The following EXOC6B variants were observed in gnomAD, a reference collection of about 807,000 sequenced individuals.
EXOC6B encodes the protein SEC15 homolog B.
Under a neutral mutation model 113.5 loss-of-function variants are expected in EXOC6B, and 54 were observed. The observed-to-expected ratio is 0.48, with a 90% CI of 0.38 to 0.60. EXOC6B has a LOEUF of 0.60. Ranked by LOEUF, EXOC6B falls within the 20% of genes least tolerant of loss-of-function variation. The probability of loss-of-function intolerance (pLI) is 0.00; values close to 1 mark genes in which losing one functional copy is unlikely to be tolerated. For missense variants in EXOC6B, 797 were observed against 977.5 expected, an observed-to-expected ratio of 0.82 and a Z score of 2.46; for synonymous variants, 357 against 339.0, an observed-to-expected ratio of 1.05 and a Z score of -0.58.
rs1435176277 is a variant in EXOC6B, at chr2:72,550,973, C to T, written c.915+8480G>A. Among the ~76,000 whole-genome samples, 8 of 147,362 alleles carry T rather than the reference C, an allele frequency of 5.4e-5. No homozygotes were observed. In the East Asian group the frequency reaches 1.6e-3, roughly 30 times the overall value. On this transcript the variant is annotated intron_variant, in intron 8 of 21. Transcript: ENST00000272427. The stretch of plus-strand genomic sequence containing the variant: ...TCACCCTGTTGCCCAGGCTGAAGTG[C>T]AATGGCGCGATCTTGGATAACTGCC...
intron 20 of EXOC6B, among the ~76,000 whole-genome samples, chr2:72,208,322 T>C (rs1176707940): frequency 1.3e-5 from 2 of 152,070 alleles, no homozygotes; most frequent in Non-Finnish European, 2.9e-5. Flanking sequence ...CCACTTATAA[T>C]TGAGAACATG....
At chr2:72,693,085 C>T (rs1677615418) in intron 6 of EXOC6B, among the ~76,000 whole-genome samples, 1 of 152,134 alleles carries the variant, frequency 6.6e-6, no homozygotes, top group Admixed American at 6.5e-5. Flanking sequence ...TCAAGAAAAG[C>T]TCAAAAATGG....
intron 20 of EXOC6B, among the ~76,000 whole-genome samples, chr2:72,186,802 T>A (rs1046375632): frequency 1.2e-4 from 18 of 152,192 alleles, no homozygotes; most frequent in Admixed American, 4.6e-4. Context: ...TAATGACACA[T>A]GGGAAGTCAC....
Position 72,323,746 on chromosome 2 carries a change from A to G in EXOC6B, c.2196+11201T>C, listed in dbSNP as rs528611512. On this transcript the variant is annotated intron_variant, in intron 20 of 21. Coordinates refer to ENST00000272427, the MANE Select transcript of EXOC6B (RefSeq NM_015189.3). ...AAACCAACACAAGAACAGAGAACCA[A>G]ACACCGTATGTTCCCACTCATAAGT... 2.2e-4 allele frequency among the ~76,000 whole-genome samples: 33 copies of G among 152,030 alleles called. 1 individual carries two copies. Among genetic ancestry groups the G allele is most frequent in the Admixed American group, 1.2e-3 (18 of 15,264 alleles).
chr2:72,352,666 T>C (rs1019278444), intron 19 of EXOC6B, among the ~76,000 whole-genome samples: 2 of 150,464 alleles, frequency 1.3e-5, no homozygotes, highest in Non-Finnish European at 3.0e-5. Flanking sequence ...TGAGTAATGA[T>C]GGAAAGGCAT....
Position 72,515,052 on chromosome 2 carries a change from T to A in EXOC6B, c.990A>T (p.Pro330=). ...RKQARLVLQP[P]SNMHETLDGY... ...AAGATGGTAATCCTACCATGTTAGA[T>A]GGAGGTTGAAGTACCAAACGAGCCT... Residue 330 remains proline, a synonymous_variant, in exon 9 of 22, where the codon CCA becomes CCT. Transcript: ENST00000272427. 6.2e-7 allele frequency: 1 copy of A among 1,604,650 alleles called. No individual in the cohort carries two copies. The highest frequency in any genetic ancestry group is 2.2e-5 in the East Asian group (1 of 44,674).
chr2:72,277,538 G>A (rs563986462), intron 20 of EXOC6B, among the ~76,000 whole-genome samples: 2 of 151,798 alleles, frequency 1.3e-5, no homozygotes, highest in Non-Finnish European at 2.9e-5. Context: ...ATGCTGGAGT[G>A]CAGAGTACAG....
intron 8 of EXOC6B, among the ~76,000 whole-genome samples, chr2:72,532,919 CTA>C (rs926256828): frequency 6.6e-6 from 1 of 152,108 alleles, no homozygotes; most frequent in Non-Finnish European, 1.5e-5. Context: ...TCTGGGATAA[CTA>C]TGTGGGATGA....
intron 17 of EXOC6B, among the ~76,000 whole-genome samples, chr2:72,475,210 A>G (rs890127363): frequency 3.3e-5 from 5 of 152,178 alleles, no homozygotes; most frequent in East Asian, 1.9e-4. Context: ...AGATGGGCCA[A>G]TTGTTGAGTT....
At chr2:72,624,893 T>A (rs1671957701) in intron 6 of EXOC6B, among the ~76,000 whole-genome samples, 1 of 152,190 alleles carries the variant, frequency 6.6e-6, no homozygotes, top group Non-Finnish European at 1.5e-5. Context: ...GTAGGTTAGG[T>A]GTTACAAGGT....
intron 6 of EXOC6B, among the ~76,000 whole-genome samples, chr2:72,590,065 C>T (rs1038158419): frequency 1.3e-5 from 2 of 151,962 alleles, no homozygotes; most frequent in Non-Finnish European, 2.9e-5. Context: ...ATAACGTCTC[C>T]TATCCTGTAA....
chr2:72,192,263 T>C (rs1170124764), intron 20 of EXOC6B, among the ~76,000 whole-genome samples: 1 of 152,174 alleles, frequency 6.6e-6, no homozygotes, highest in Non-Finnish European at 1.5e-5. Context: ...TGGAATTAAA[T>C]AGGTCAGCTA....
At chr2:72,772,269 G>A (rs1268935965) in intron 1 of EXOC6B, among the ~76,000 whole-genome samples, 1 of 151,828 alleles carries the variant, frequency 6.6e-6, no homozygotes, top group Non-Finnish European at 1.5e-5. Context: ...TAAGCTCCAG[G>A]CCAAATCCAA....
chr2:72,251,071 G>GC (rs556925319), intron 20 of EXOC6B, among the ~76,000 whole-genome samples: 140 of 152,162 alleles, frequency 9.2e-4, no homozygotes, highest in Admixed American at 1.8e-3. Flanking sequence ...CACGTAATCT[G>GC]CCCCCCTTGG....
chr2:72,742,402 C>G (rs1474062520), intron 1 of EXOC6B, among the ~76,000 whole-genome samples: 1 of 152,100 alleles, frequency 6.6e-6, no homozygotes, highest in Non-Finnish European at 1.5e-5. Context: ...TGGCCTTGGA[C>G]AGTCCTCACA....
chr2:72,279,932 T>C (rs1411871198), intron 20 of EXOC6B, among the ~76,000 whole-genome samples: 2 of 152,052 alleles, frequency 1.3e-5, no homozygotes, highest in Non-Finnish European at 2.9e-5. Context: ...TAAATTTAGA[T>C]AACTTTTTTA....
intron 6 of EXOC6B, among the ~76,000 whole-genome samples, chr2:72,641,813 G>A (rs887346449): frequency 3.9e-5 from 6 of 151,910 alleles, no homozygotes; most frequent in Non-Finnish European, 5.9e-5. Context: ...TCCCAGTAGC[G>A]GCCGACTGAC....
chr2:72,780,465 T>A (rs1253290868), intron 1 of EXOC6B, among the ~76,000 whole-genome samples: 1 of 152,174 alleles, frequency 6.6e-6, no homozygotes, highest in African/African-American at 2.4e-5. Flanking sequence ...TTCAGAACAG[T>A]ATAGGTAGAA....
intron 20 of EXOC6B, among the ~76,000 whole-genome samples, chr2:72,240,066 T>C (rs371965387): frequency 6.6e-6 from 1 of 152,184 alleles, no homozygotes; most frequent in East Asian, 1.9e-4. Context: ...TCAGTTCTAA[T>C]AGATTTTTAG....
Sources: gnomAD v4.1 joint callset for allele counts (sites outside exome capture counted in the v4.1 genomes callset) on GRCh38, gnomAD v4.1.1 for gene constraint, MANE v1.5 for transcripts, NCBI Gene and HGNC (gene_info 2026-07-23, HGNC 2026-07-21) for gene names.